The following PTGIS variants were observed in gnomAD, a reference collection of about 807,000 sequenced individuals.
PTGIS encodes prostaglandin I2 synthase, also known as prostacyclin synthase.
PTGIS carries 45 observed loss-of-function variants against 50.3 expected under a neutral mutation model. That is an observed-to-expected ratio of 0.90 (90% CI 0.70 to 1.15). The LOEUF (loss-of-function observed/expected upper bound fraction) is 1.15, where lower values mean the gene tolerates loss of function less well. PTGIS is among the 50% of genes most tolerant of loss of function. The pLI, the probability that PTGIS is intolerant of heterozygous loss-of-function variation, is 0.00. For synonymous variants in PTGIS, 260 were observed against 267.7 expected (o/e 0.97, Z 0.28); for missense variants, 668 against 661.3 (o/e 1.01, Z -0.11).
intron 6 of PTGIS, among the ~76,000 whole-genome samples, chr20:49,521,220 G>T (rs1048956154): frequency 7.9e-5 from 12 of 152,154 alleles, no homozygotes; most frequent in Non-Finnish European, 1.8e-4. Context: ...CCATTTTACA[G>T]ATGAGTAAAC....
chr20:49,551,823 T>C (rs1268663182), intron 1 of PTGIS, among the ~76,000 whole-genome samples: 4 of 140,370 alleles, frequency 2.8e-5, no homozygotes, highest in African/African-American at 1.3e-4. Context: ...TGTGTGTGTG[T>C]GTGTGTGTGT....
intron 6 of PTGIS, among the ~76,000 whole-genome samples, chr20:49,517,468 G>A (rs1207583486): frequency 6.6e-6 from 1 of 152,196 alleles, no homozygotes; most frequent in Non-Finnish European, 1.5e-5. Context: ...GTGTGTGTGT[G>A]TGTGTGTGTG....
At chr20:49,551,325 TAAG>T (rs1982501882) in intron 1 of PTGIS, among the ~76,000 whole-genome samples, 1 of 152,224 alleles carries the variant, frequency 6.6e-6, no homozygotes, top group South Asian at 2.1e-4. Flanking sequence ...TTAAGTCTGA[TAAG>T]AAACCTTTAC....
intron 4 of PTGIS, among the ~76,000 whole-genome samples, chr20:49,542,632 G>GT (rs1982258537): frequency 6.6e-6 from 1 of 152,192 alleles, no homozygotes; most frequent in Non-Finnish European, 1.5e-5. Flanking sequence ...TTGCTGGGTG[G>GT]TTTCAGCTGG....
intron 8 of PTGIS, among the ~76,000 whole-genome samples, chr20:49,512,273 A>G (rs994961035): frequency 6.6e-6 from 1 of 151,566 alleles, no homozygotes; most frequent in Non-Finnish European, 1.5e-5. Flanking sequence ...TAATGGATGG[A>G]TGGGTGAATT....
At position 49,568,117 on chromosome 20, in the gene PTGIS, C is replaced by CGCGGAGCTGGCGGGGCTG; in HGVS notation, c.-2_-1insCAGCCCCGCCAGCTCCGC. On this transcript the variant is annotated 5_prime_UTR_variant, in exon 1 of 10. Coordinates refer to ENST00000244043, the MANE Select transcript of PTGIS (RefSeq NM_000961.4). ...GGCCGAGGAGCGCGGCCCAAGCCAT[C>CGCGGAGCTGGCGGGGCTG]GCGGGGCTGGCGGGGCTGGCGGGGC... The CGCGGAGCTGGCGGGGCTG allele has an allele frequency of 1.3e-6, 1 of 784,882 alleles. No homozygotes were observed. Among genetic ancestry groups the CGCGGAGCTGGCGGGGCTG allele is most frequent in the Non-Finnish European group, 1.8e-6 (1 of 568,998 alleles). 48.6% of individuals were successfully genotyped at this position (784,882 alleles called of 1,614,324 possible). A position where few individuals can be genotyped will look rare whatever the true frequency, so the allele number is the denominator to read the frequency against.
intron 9 of PTGIS, among the ~76,000 whole-genome samples, chr20:49,509,158 G>A (rs979155738): frequency 2.0e-5 from 3 of 152,198 alleles, no homozygotes; most frequent in Non-Finnish European, 2.9e-5. Flanking sequence ...TGGTCAAAGA[G>A]GGGAAAGGCA....
intron 9 of PTGIS, among the ~76,000 whole-genome samples, chr20:49,509,927 C>T (rs580589): frequency 0.051 from 6,659 of 130,032 alleles, 366 homozygotes; most frequent in African/African-American, 0.15. Flanking sequence ...CTCACTCTGT[C>T]GCCCAGGCTG....
chr20:49,531,000 C>T (rs1981921027), intron 5 of PTGIS, among the ~76,000 whole-genome samples: 1 of 152,268 alleles, frequency 6.6e-6, no homozygotes, highest in Non-Finnish European at 1.5e-5. Context: ...ACCTCGTGAT[C>T]TGCCCAACTC....
intron 1 of PTGIS, among the ~76,000 whole-genome samples, chr20:49,560,602 G>A (rs1982745740): frequency 6.6e-6 from 1 of 152,234 alleles, no homozygotes; most frequent in African/African-American, 2.4e-5. Context: ...ACAAAAGGTG[G>A]TCAAGGAGGG....
chr20:49,567,489 G>C (rs1739512884), intron 1 of PTGIS, among the ~76,000 whole-genome samples: 1 of 152,034 alleles, frequency 6.6e-6, no homozygotes, highest in Non-Finnish European at 1.5e-5. Flanking sequence ...TGGTTCCAGG[G>C]CATGATCAAG....
intron 8 of PTGIS, 152 bp from the exon 9 acceptor site, chr20:49,511,331 T>C (rs1981315121): frequency 1.1e-6 from 1 of 910,838 alleles, no homozygotes; most frequent in African/African-American, 1.7e-5. Context: ...GGTTAAAAAA[T>C]TATGGCAAAA....
At chr20:49,544,509 C>T in intron 3 of PTGIS, 61 bp from the exon 4 acceptor site, 1 of 1,596,424 alleles carries the variant, frequency 6.3e-7, no homozygotes, top group Non-Finnish European at 8.6e-7. Flanking sequence ...CACCTACAGG[C>T]ACCTCCCTCC....
intron 6 of PTGIS, among the ~76,000 whole-genome samples, chr20:49,517,027 G>A (rs1302873353): frequency 2.0e-5 from 3 of 152,192 alleles, no homozygotes; most frequent in Non-Finnish European, 4.4e-5. Context: ...CTGGGTGGAC[G>A]CAAGGGTCCA....
chr20:49,546,913 T>C (rs1406778998), intron 3 of PTGIS, among the ~76,000 whole-genome samples: 4 of 152,238 alleles, frequency 2.6e-5, no homozygotes, highest in Non-Finnish European at 5.9e-5. Flanking sequence ...GCAAACATGT[T>C]CATCTGTTCT....
At position 49,514,275 on chromosome 20, in the gene PTGIS, G is replaced by A. The variant is rs1182172106; in HGVS notation, c.976C>T (p.Gln326Ter). ...ILWQAEQPVS[Q>*]TTTLPQKVLD... ...ACCTTCTGTGGGAGAGTGGTCGTCT[G>A]CGAGACAGGCTGCTCCGCTTGCCAA... The change falls in exon 7 of 10, where the codon CAG becomes TAG. Residue 326 changes from glutamine to a stop codon, truncating the protein, a stop_gained. Coordinates refer to ENST00000244043, the MANE Select transcript of PTGIS (RefSeq NM_000961.4). LOFTEE classifies it high-confidence loss of function. The A allele has an allele frequency of 2.5e-6, 4 of 1,614,130 alleles. No individual in the cohort carries two copies. The highest frequency in any genetic ancestry group is 3.4e-6 in the Non-Finnish European group (4 of 1,180,050).
chr20:49,532,024 C>T (rs1187765173), intron 5 of PTGIS, among the ~76,000 whole-genome samples: 3 of 152,102 alleles, frequency 2.0e-5, no homozygotes, highest in Admixed American at 1.3e-4. Flanking sequence ...ATTTGAAATG[C>T]GGCTGGCTCG....
intron 6 of PTGIS, among the ~76,000 whole-genome samples, chr20:49,516,534 C>T (rs1981482575): frequency 6.6e-6 from 1 of 152,198 alleles, no homozygotes; most frequent in African/African-American, 2.4e-5. Flanking sequence ...ATGAGAGATG[C>T]TCATGTTACA....
rs1981768375 is a variant in PTGIS at position 49,525,383 on chromosome 20, C to A, written c.674-1144G>T. ...AGACCACAGAAGCATCTCTGAAGGT[C>A]AACTTTGGCCCACAGATCACTAGCG... On this transcript the variant is annotated intron_variant, in intron 5 of 9. Transcript: ENST00000244043. Among the ~76,000 whole-genome samples the A allele has an allele frequency of 3.3e-5, 5 of 152,170 alleles. No homozygotes were observed. In the South Asian group the frequency reaches 1.0e-3, roughly 32 times the overall value.
Sources: allele counts gnomAD v4.1 joint callset (sites outside exome capture counted in the v4.1 genomes callset), GRCh38; gene constraint gnomAD v4.1.1; transcripts MANE v1.5; gene names NCBI Gene and HGNC (gene_info 2026-07-23, HGNC 2026-07-21).